Variants in CSMD1 observed in about 807,000 individuals in gnomAD.
The protein encoded by CSMD1 is CUB and sushi domain-containing protein 1.
A neutral mutation model predicts 417.5 loss-of-function variants in CSMD1; 213 were observed. The observed-to-expected ratio is 0.51, with a 90% CI of 0.46 to 0.57. CSMD1 has a LOEUF of 0.57. CSMD1 is among the 20% of genes least tolerant of loss of function. CSMD1 has a pLI of 0.00. For missense variants in CSMD1, 6,923 were observed against 4,529.7 expected (o/e 1.53, Z -15.17); for synonymous variants, 2,862 against 1,736.8 (o/e 1.65, Z -16.11).
chr8:3,063,661 G>A (rs1812737217), intron 49 of CSMD1, among the ~76,000 whole-genome samples: 1 of 152,130 alleles, frequency 6.6e-6, no homozygotes, highest in South Asian at 2.1e-4. Flanking sequence ...AAAAAGGAAG[G>A]GAATTCTGAC....
At chr8:4,111,293 G>C (rs1461771337) in intron 3 of CSMD1, among the ~76,000 whole-genome samples, 1 of 152,108 alleles carries the variant, frequency 6.6e-6, no homozygotes, top group South Asian at 2.1e-4. Flanking sequence ...AATCTTATGA[G>C]CAGAAGAATC....
chr8:3,453,872 A>C (rs1165969789), intron 12 of CSMD1, among the ~76,000 whole-genome samples: 1 of 152,008 alleles, frequency 6.6e-6, no homozygotes, highest in Non-Finnish European at 1.5e-5. Context: ...ATCCTTGTTA[A>C]CTTTCTGTCT....
chr8:3,258,951 A>G (rs1239227690), intron 26 of CSMD1, among the ~76,000 whole-genome samples: 2 of 152,204 alleles, frequency 1.3e-5, no homozygotes, highest in East Asian at 1.9e-4. Context: ...GATGGTGGAA[A>G]GTGAGAAAAG....
intron 3 of CSMD1, among the ~76,000 whole-genome samples, chr8:4,349,193 G>C (rs561291855): frequency 6.6e-6 from 1 of 152,192 alleles, no homozygotes. Flanking sequence ...ACTAAGTGAA[G>C]ATTTTAATCA....
rs563413529 is a variant in CSMD1, at chr8:4,818,138, T to C, written c.85+176194A>G. 1.8e-4 allele frequency among the ~76,000 whole-genome samples: 27 copies of C among 152,242 alleles called. No homozygotes were observed. In the South Asian group the frequency reaches 2.7e-3, roughly 15 times the overall value. On this transcript the variant is annotated intron_variant, in intron 1 of 69. Transcript: ENST00000635120. Reference sequence around the variant, plus strand: ...AAAGTCGGGAAGCCTACTCGTAAAATTGCATAATTTATGTGACAAATGAGA... The same window carrying C: ...AAAGTCGGGAAGCCTACTCGTAAAACTGCATAATTTATGTGACAAATGAGA...
intron 1 of CSMD1, among the ~76,000 whole-genome samples, chr8:4,899,308 T>C (rs543763600): frequency 2.1e-5 from 3 of 145,814 alleles, no homozygotes; most frequent in Non-Finnish European, 4.5e-5. Context: ...ATAACATAAA[T>C]TCTTACCTTT....
chr8:4,581,453 C>G (rs1312506913), intron 2 of CSMD1, among the ~76,000 whole-genome samples: 1 of 152,122 alleles, frequency 6.6e-6, no homozygotes, highest in East Asian at 1.9e-4. Flanking sequence ...CAGTTGTTTT[C>G]TATTTTGAAA....
chr8:4,005,414 C>T (rs938121651), intron 4 of CSMD1, among the ~76,000 whole-genome samples: 2 of 152,178 alleles, frequency 1.3e-5, no homozygotes. Flanking sequence ...CCCTCTGCAA[C>T]CAATTAGACA....
chr8:3,409,338 T>A (rs1812536133), intron 13 of CSMD1, 85 bp downstream of exon 13: 3 of 1,281,624 alleles, frequency 2.3e-6, no homozygotes, highest in Middle Eastern at 2.6e-4. Flanking sequence ...CCTCCCTAAA[T>A]GGGCGGTCTG....
In CSMD1 at chr8:4,418,297, G is replaced by C. The variant is rs80021254; in HGVS notation, c.415+1656C>G. The stretch of plus-strand genomic sequence containing the variant: ...ATTCCATTTTCTAGAAAGTTTTTCA[G>C]TTGATCTTTTGGAGTAACAAAGAAA... On this transcript the variant is annotated intron_variant, in intron 3 of 69. Transcript: ENST00000635120. 5.4e-3 allele frequency among the ~76,000 whole-genome samples: 826 copies of C among 152,148 alleles called. 5 individuals carry two copies. The highest frequency in any genetic ancestry group is 8.7e-3 in the Non-Finnish European group (593 of 67,986).
intron 5 of CSMD1, among the ~76,000 whole-genome samples, chr8:3,980,460 AT>A (rs879620273): frequency 4.6e-5 from 7 of 151,498 alleles, no homozygotes; most frequent in African/African-American, 9.7e-5. Flanking sequence ...GTTTGTGAAG[AT>A]TTTTTTTTGC....
At chr8:4,143,096 T>A (rs891436983) in intron 3 of CSMD1, among the ~76,000 whole-genome samples, 1 of 149,324 alleles carries the variant, frequency 6.7e-6, no homozygotes, top group Admixed American at 6.6e-5. Context: ...GATATCTTCA[T>A]CTATTAACTT....
chr8:3,631,756 G>A (rs1007178698), intron 7 of CSMD1, among the ~76,000 whole-genome samples: 9 of 152,172 alleles, frequency 5.9e-5, no homozygotes, highest in Non-Finnish European at 8.8e-5. Context: ...TAAATAAAGC[G>A]CTCTCAAAGG....
chr8:3,555,583 G>A (rs973857885), intron 10 of CSMD1, among the ~76,000 whole-genome samples: 5 of 152,114 alleles, frequency 3.3e-5, no homozygotes. Context: ...TGTAAGTTTA[G>A]CTCATTTTCT....
At chr8:4,286,657 T>A (rs553067404) in intron 3 of CSMD1, among the ~76,000 whole-genome samples, 1 of 152,158 alleles carries the variant, frequency 6.6e-6, no homozygotes, top group African/African-American at 2.4e-5. Context: ...AGAAAGGGGA[T>A]AGCAATCATA....
At chr8:3,855,590 A>T (rs1270727405) in intron 5 of CSMD1, among the ~76,000 whole-genome samples, 3 of 152,188 alleles carry the variant, frequency 2.0e-5, no homozygotes, top group African/African-American at 4.8e-5. Context: ...CAGTTGGTAC[A>T]ATGCCAGATG....
intron 6 of CSMD1, among the ~76,000 whole-genome samples, chr8:3,752,768 G>C (rs1584945913): frequency 6.6e-6 from 1 of 150,526 alleles, no homozygotes; most frequent in African/African-American, 2.4e-5. Flanking sequence ...TACATCATGT[G>C]CCCCAGGGAC....
chr8:4,862,198 A>C (rs759575981), intron 1 of CSMD1, among the ~76,000 whole-genome samples: 1 of 152,010 alleles, frequency 6.6e-6, no homozygotes, highest in South Asian at 2.1e-4. Context: ...TTGAACCTCA[A>C]CGAGGCCTGG....
At chr8:3,645,719 C>T (rs911462159) in intron 7 of CSMD1, among the ~76,000 whole-genome samples, 5 of 152,152 alleles carry the variant, frequency 3.3e-5, no homozygotes, top group African/African-American at 1.2e-4. Context: ...CTGCAAGGAA[C>T]ATGGAAGCTG....
Sources: allele counts gnomAD v4.1 joint callset (sites outside exome capture counted in the v4.1 genomes callset), GRCh38; gene constraint gnomAD v4.1.1; transcripts MANE v1.5; gene names NCBI Gene and HGNC (gene_info 2026-07-23, HGNC 2026-07-21).